The following ARIH2 variants were observed in gnomAD, a reference collection of about 807,000 sequenced individuals.
ARIH2 encodes the protein ariadne RBR E3 ubiquitin protein ligase 2.
In ARIH2, 12 loss-of-function variants were observed where a neutral mutation model predicts 79.8. The observed-to-expected ratio is 0.15, with a 90% CI of 0.10 to 0.24. ARIH2 has a LOEUF of 0.24. Ranked by LOEUF, ARIH2 falls within the 10% of genes least tolerant of loss-of-function variation. The probability of loss-of-function intolerance (pLI) is 1.00; values close to 1 mark genes in which losing one functional copy is unlikely to be tolerated. For synonymous variants in ARIH2, 224 were observed against 213.9 expected (o/e 1.05, Z -0.41); for missense variants, 301 against 618.3 (o/e 0.49, Z 5.44).
At chr3:48,957,059 T>C (rs1265159911) in intron 3 of ARIH2, among the ~76,000 whole-genome samples, 2 of 152,240 alleles carry the variant, frequency 1.3e-5, no homozygotes, top group African/African-American at 4.8e-5. Context: ...ATTAAAAGAA[T>C]AGATTTACAC....
At chr3:48,944,841 T>C (rs1007265413) in intron 3 of ARIH2, 5 of 308,906 alleles carry the variant, frequency 1.6e-5, no homozygotes, top group South Asian at 1.3e-4. Context: ...CTCCACATCA[T>C]CCCTTGTCCC....
chr3:48,976,615 T>C (rs59310092), intron 11 of ARIH2, among the ~76,000 whole-genome samples: 1 of 152,354 alleles, frequency 6.6e-6, no homozygotes, highest in African/African-American at 2.4e-5. Flanking sequence ...ATATTTCTTC[T>C]GTGGGGCCAC....
intron 3 of ARIH2, among the ~76,000 whole-genome samples, chr3:48,949,288 T>G (rs1559777074): frequency 1.3e-5 from 2 of 152,150 alleles, no homozygotes. Context: ...CGGCTAGTTT[T>G]TTGTGTTTTT....
chr3:48,967,091 C>T (rs1181426396), intron 5 of ARIH2, 34 bp from the exon 6 acceptor site: 8 of 1,608,104 alleles, frequency 5.0e-6, no homozygotes, highest in South Asian at 4.4e-5. Flanking sequence ...GGACCTGACT[C>T]CTCTTTGGCT....
In ARIH2 at chr3:48,945,020, C is replaced by T. The variant is rs1412290944; in HGVS notation, c.256-16592C>T. On this transcript the variant is annotated intron_variant, in intron 3 of 15. Transcript: ENST00000356401. ...GTGTTTGTTAACAAAAGTGATTGGACCACGAAGTGGCAGGCTGAGGCATGA... is the reference window on the plus strand; with the variant it reads ...GTGTTTGTTAACAAAAGTGATTGGATCACGAAGTGGCAGGCTGAGGCATGA... 4.7e-6 allele frequency: 4 copies of T among 851,240 alleles called. No individual in the cohort carries two copies. The Admixed American group carries it at 9.8e-5, about 21-fold the overall frequency. 52.7% of individuals were successfully genotyped at this position (851,240 alleles called of 1,614,324 possible). A position where few individuals can be genotyped will look rare whatever the true frequency, so the allele number is the denominator to read the frequency against.
intron 3 of ARIH2, among the ~76,000 whole-genome samples, chr3:48,961,144 A>G (rs570960504): frequency 9.9e-5 from 15 of 152,196 alleles, no homozygotes; most frequent in African/African-American, 3.6e-4. Flanking sequence ...GGGTTTTTAT[A>G]TTTTGTTTGT....
At chr3:48,954,950 C>T (rs965483340) in intron 3 of ARIH2, among the ~76,000 whole-genome samples, 7 of 152,186 alleles carry the variant, frequency 4.6e-5, no homozygotes, top group African/African-American at 1.4e-4. Flanking sequence ...ATAATCCCCA[C>T]ACTTTGGGAG....
intron 3 of ARIH2, among the ~76,000 whole-genome samples, chr3:48,942,376 A>G (rs1424704792): frequency 6.6e-6 from 1 of 152,060 alleles, no homozygotes; most frequent in Non-Finnish European, 1.5e-5. Context: ...TTCTTTGTTC[A>G]TTGGCCATTA....
At chr3:48,926,250 TGTGTGTGTGTGTGTGTATGTGTGTAC>T (rs936064756) in intron 2 of ARIH2, among the ~76,000 whole-genome samples, 2 of 148,310 alleles carry the variant, frequency 1.3e-5, no homozygotes, top group Admixed American at 1.3e-4. Flanking sequence ...CTCGTGTGTG[TGTGTGTGTGTGTGTGTATGTGTGTAC>T]GTGTGTGTGT....
At chr3:48,922,422 G>A (rs757985150) in intron 1 of ARIH2, 1 of 151,768 alleles carries the variant, frequency 6.6e-6, no homozygotes, top group Non-Finnish European at 1.5e-5. Flanking sequence ...TCCTGCCTCA[G>A]CCTTCCGAGT....
At chr3:48,954,853 T>C (rs2090397252) in intron 3 of ARIH2, among the ~76,000 whole-genome samples, 1 of 152,230 alleles carries the variant, frequency 6.6e-6, no homozygotes, top group Non-Finnish European at 1.5e-5. Flanking sequence ...AGAAACTTTC[T>C]AGTTTTTAAT....
intron 4 of ARIH2, 79 bp downstream of exon 4, chr3:48,961,758 A>G (rs2091288789): frequency 5.7e-6 from 5 of 875,660 alleles, no homozygotes; most frequent in Non-Finnish European, 9.6e-6. Flanking sequence ...ATTTTGGACC[A>G]TATTCGACTA....
At chr3:48,959,288 C>A (rs2090980786) in intron 3 of ARIH2, among the ~76,000 whole-genome samples, 1 of 149,586 alleles carries the variant, frequency 6.7e-6, no homozygotes, top group African/African-American at 2.5e-5. Context: ...TGCACTCCAG[C>A]CTGGGTAATA....
intron 2 of ARIH2, among the ~76,000 whole-genome samples, chr3:48,925,806 A>G (rs1215065654): frequency 6.8e-6 from 1 of 147,746 alleles, no homozygotes; most frequent in Non-Finnish European, 1.5e-5. Context: ...GCAACCTCCG[A>G]CTCCCTCGTT....
chr3:48,973,331 A>T (rs926334870), intron 8 of ARIH2, among the ~76,000 whole-genome samples: 3 of 152,120 alleles, frequency 2.0e-5, no homozygotes, highest in Non-Finnish European at 2.9e-5. Context: ...TAATCCCAGC[A>T]CTTTGGGAGG....
chr3:48,938,547 A>G (rs889966442), intron 3 of ARIH2, among the ~76,000 whole-genome samples: 5 of 152,218 alleles, frequency 3.3e-5, no homozygotes, highest in Non-Finnish European at 5.9e-5. Flanking sequence ...AGAAAATGCA[A>G]ACTAATCCAT....
At chr3:48,933,240 GTGT>G (rs1559731403) in intron 3 of ARIH2, among the ~76,000 whole-genome samples, 14 of 3,640 alleles carry the variant, frequency 3.8e-3, no homozygotes, top group Non-Finnish European at 7.3e-3. Flanking sequence ...GCCCGGGTGT[GTGT>G]GTGTGTGTGT....
chr3:48,961,534 G>C, intron 3 of ARIH2, 78 bp from the exon 4 acceptor site: 1 of 852,016 alleles, frequency 1.2e-6, no homozygotes, highest in Non-Finnish European at 1.9e-6. Flanking sequence ...AGACATGAAT[G>C]TATACAGTTC....
intron 3 of ARIH2, among the ~76,000 whole-genome samples, chr3:48,951,295 A>C (rs2089922699): frequency 6.6e-6 from 1 of 152,080 alleles, no homozygotes; most frequent in Non-Finnish European, 1.5e-5. Context: ...TAGTAAATTC[A>C]TAAATTCATT....
Sources: gnomAD v4.1 joint callset for allele counts (sites outside exome capture counted in the v4.1 genomes callset) on GRCh38, gnomAD v4.1.1 for gene constraint, MANE v1.5 for transcripts, NCBI Gene and HGNC (gene_info 2026-07-23, HGNC 2026-07-21) for gene names.